The following PITPNM3 variants were observed in gnomAD, a reference collection of about 807,000 sequenced individuals.
PITPNM3 encodes PITPNM family member 3.
PITPNM3 carries 26 observed loss-of-function variants against 102.0 expected under a neutral mutation model. The ratio of observed to expected loss-of-function variants is 0.25; its 90% CI spans 0.19 to 0.35. The LOEUF (loss-of-function observed/expected upper bound fraction) is 0.35. PITPNM3 is among the 10% of genes least tolerant of loss of function. The probability of loss-of-function intolerance (pLI) is 1.00; values close to 1 mark genes in which losing one functional copy is unlikely to be tolerated. For synonymous variants in PITPNM3, 578 were observed against 558.6 expected, an observed-to-expected ratio of 1.03 and a Z score of -0.49; for missense variants, 1,083 against 1,346.1, an observed-to-expected ratio of 0.80 and a Z score of 3.06.
At chr17:6,528,022 G>T (rs147214671) in intron 2 of PITPNM3, among the ~76,000 whole-genome samples, 65 of 152,228 alleles carry the variant, frequency 4.3e-4, no homozygotes, top group African/African-American at 1.5e-3. Flanking sequence ...TTGGGCTTTT[G>T]TCTGTTTCCG....
rs1359115626 is a variant in PITPNM3, at chr17:6,474,502, G to A, written c.1188C>T (p.Asp396=). The A allele has an allele frequency of 6.2e-7, 1 of 1,613,528 alleles. No individual in the cohort carries two copies. Among genetic ancestry groups the A allele is most frequent in the Non-Finnish European group, 8.5e-7 (1 of 1,179,928 alleles). ...CCAGTGGCGAGCCGAAGAGGAAGAA[G>A]TCGGACACATCGAAGTCAAAGCGGC... ...SLGRFDFDVS[D]FFLFGSPLGL... is the part of the protein sequence containing the mutation. The change falls in exon 10 of 20, where the codon GAC becomes GAT. Residue 396 remains aspartate, a synonymous_variant. Coordinates refer to ENST00000262483, the MANE Select transcript of PITPNM3 (RefSeq NM_031220.4).
In PITPNM3 at chr17:6,452,881, C is replaced by T. The variant is rs903068328; in HGVS notation, c.*2457G>A. 1 of 152,134 alleles carries T rather than the reference C, an allele frequency of 6.6e-6. No individual in the cohort carries two copies. Among genetic ancestry groups the T allele is most frequent in the African/African-American group, 2.4e-5 (1 of 41,406 alleles). The allele number at this position is 152,134 out of a possible 1,614,324, so 9.4% of individuals were successfully genotyped here. A position where few individuals can be genotyped will look rare whatever the true frequency, so the allele number is the denominator to read the frequency against. ...GCTGGGTCCTGTGTCCCAGCTCTGA[C>T]CCCAGAGCCACAGAACCCTGGTCAC... is the stretch of plus-strand genomic sequence containing the variant. On this transcript the variant is annotated 3_prime_UTR_variant, in exon 20 of 20. Coordinates refer to ENST00000262483, the MANE Select transcript of PITPNM3 (RefSeq NM_031220.4).
In PITPNM3 at chr17:6,483,742, G is replaced by A. The variant is rs762515684; in HGVS notation, c.362C>T (p.Pro121Leu). 36 of 1,612,502 alleles carry A rather than the reference G, an allele frequency of 2.2e-5. No homozygotes were observed. Among genetic ancestry groups the A allele is most frequent in the Middle Eastern group, 1.6e-4 (1 of 6,084 alleles). The change falls in exon 6 of 20, where the codon CCG (proline) becomes CTG (leucine). Residue 121 changes from proline (P) to leucine (L), a missense_variant. This residue lies in a region of PITPNM3 where 290 missense variants were observed against 337.8 expected (regional missense o/e 0.86). Transcript: ENST00000262483. The stretch of plus-strand genomic sequence containing the variant: ...GACATGTGTCTTGCAGGAGCGCTGC[G>A]GGCAGCCTTCCTGAGAGCCAAGGCG... Reference protein sequence around the residue: ...EIHEDSEEGCPQRSCKTHVLL... With the variant: ...EIHEDSEEGCLQRSCKTHVLL...
chr17:6,549,838 C>G (rs1003865229), intron 1 of PITPNM3, among the ~76,000 whole-genome samples: 8 of 152,218 alleles, frequency 5.3e-5, no homozygotes, highest in Middle Eastern at 3.2e-3. Flanking sequence ...CTGGCCACCC[C>G]CTTCCGGGCT....
At chr17:6,532,133 A>C (rs111804442) in intron 2 of PITPNM3, among the ~76,000 whole-genome samples, 81 of 150,992 alleles carry the variant, frequency 5.4e-4, no homozygotes, top group African/African-American at 1.9e-3. Context: ...TGCCAAGCTC[A>C]TTCCACCAAT....
chr17:6,511,298 G>A (rs1224119664), intron 3 of PITPNM3, among the ~76,000 whole-genome samples: 1 of 152,180 alleles, frequency 6.6e-6, no homozygotes, highest in African/African-American at 2.4e-5. Flanking sequence ...TGTCGTGGTA[G>A]GATTGGATAA....
At chr17:6,503,103 G>A (rs929685127) in intron 4 of PITPNM3, among the ~76,000 whole-genome samples, 3 of 152,174 alleles carry the variant, frequency 2.0e-5, no homozygotes, top group African/African-American at 4.8e-5. Context: ...CCATGGCACC[G>A]TCAGTGGTTC....
rs781006872 is a variant in PITPNM3, at chr17:6,468,266, G to A, written c.1849C>T (p.Arg617Trp). The A allele has an allele frequency of 9.3e-6, 15 of 1,613,712 alleles. No homozygotes were observed. The highest frequency in any genetic ancestry group is 1.2e-5 in the Non-Finnish European group (14 of 1,180,014). Residue 617 changes from arginine to tryptophan, a missense_variant, in exon 14 of 20, where the codon CGG becomes TGG. By Grantham distance (101) the Arg-to-Trp change is moderately radical. Transcript: ENST00000262483. This position sits in a 1 kb window ranked among gnomAD's most constrained non-coding sequence, Gnocchi z 5.2. ...DPAALSPANP[R>W]EKWLRKRTQV... ...GTCCGCTTACGAAGCCACTTCTCCC[G>A]GGGGTTGGCAGGACTCAGTGCTGCA...
intron 1 of PITPNM3, among the ~76,000 whole-genome samples, chr17:6,546,303 C>T (rs1293224937): frequency 6.6e-6 from 1 of 152,242 alleles, no homozygotes; most frequent in Admixed American, 6.5e-5. Context: ...CCCGAGTACG[C>T]TGCATCTGAA....
At chr17:6,481,985 C>CCTCTCTCTCTCTCTCTCT (rs773528111) in intron 6 of PITPNM3, among the ~76,000 whole-genome samples, 2 of 56,098 alleles carry the variant, frequency 3.6e-5, no homozygotes, top group Non-Finnish European at 6.8e-5. Context: ...GAAAACAGAA[C>CCTCTCTCTCTCTCTCTCT]CTCTCTCTCT....
intron 3 of PITPNM3, among the ~76,000 whole-genome samples, chr17:6,506,726 T>G (rs1907534074): frequency 6.6e-6 from 1 of 152,088 alleles, no homozygotes. Context: ...GAGGGATGAG[T>G]GCAGGCCCTC....
At chr17:6,533,908 C>T (rs1444186585) in intron 2 of PITPNM3, among the ~76,000 whole-genome samples, 1 of 152,200 alleles carries the variant, frequency 6.6e-6, no homozygotes, top group Non-Finnish European at 1.5e-5. Flanking sequence ...GACGGACGCA[C>T]CATTAATACT....
At chr17:6,463,680 G>C in intron 17 of PITPNM3, 52 bp downstream of exon 17, 1 of 1,594,072 alleles carries the variant, frequency 6.3e-7, no homozygotes, top group Non-Finnish European at 8.5e-7. Flanking sequence ...CCCCAGGGCT[G>C]CTGGCTCCTG....
At chr17:6,534,456 C>T (rs962264714) in intron 2 of PITPNM3, among the ~76,000 whole-genome samples, 18 of 152,222 alleles carry the variant, frequency 1.2e-4, no homozygotes, top group African/African-American at 4.3e-4. Flanking sequence ...CCAGGTGAAC[C>T]CCATTGCCAG....
At position 6,472,854 on chromosome 17, in the gene PITPNM3, A is replaced by T; in HGVS notation, c.1259-27T>A. On this transcript the variant is annotated intron_variant, in intron 10 of 19. Coordinates refer to ENST00000262483, the MANE Select transcript of PITPNM3 (RefSeq NM_031220.4). This position sits in a 1 kb window ranked among gnomAD's most constrained non-coding sequence, Gnocchi z 4.1. ...TGGGGTGAGTGGGAAGACAGAGGGA[A>T]GCCACTTTCTAGTACCTGCTCCCTG... 6.2e-7 allele frequency: 1 copy of T among 1,613,048 alleles called. No individual in the cohort carries two copies. Among genetic ancestry groups the T allele is most frequent in the Non-Finnish European group, 8.5e-7 (1 of 1,179,530 alleles).
chr17:6,487,087 G>T (rs1319089737), intron 4 of PITPNM3, among the ~76,000 whole-genome samples: 1 of 152,182 alleles, frequency 6.6e-6, no homozygotes, highest in East Asian at 1.9e-4. Context: ...GCGGCTGTGT[G>T]TGCGGCTCTG....
intron 2 of PITPNM3, among the ~76,000 whole-genome samples, chr17:6,530,176 T>C (rs923277286): frequency 2.0e-5 from 3 of 152,216 alleles, no homozygotes; most frequent in African/African-American, 7.2e-5. Context: ...AACCTGGTCC[T>C]CTATGCCCAG....
At chr17:6,546,383 G>A (rs989582011) in intron 1 of PITPNM3, among the ~76,000 whole-genome samples, 4 of 152,198 alleles carry the variant, frequency 2.6e-5, no homozygotes, top group Non-Finnish European at 4.4e-5. Flanking sequence ...TCCATCCATC[G>A]GTAATGCACT....
In PITPNM3 at chr17:6,468,335, G is replaced by A. The variant is rs150769456; in HGVS notation, c.1780C>T (p.Arg594Cys). The change falls in exon 14 of 20, where the codon CGC becomes TGC. Residue 594 changes from arginine to cysteine, a missense_variant. Transcript: ENST00000262483. The surrounding 1 kb of genome is among the most constrained non-coding windows in gnomAD (Gnocchi z 5.2). ...VVAFILRQVM[R>C]YESVNIKESA... The stretch of plus-strand genomic sequence containing the variant: ...TCCTTGATGTTCACGCTCTCATAGC[G>A]CATTACCTAGCCAAGAGCCGAGCAG... 209 of 1,613,926 alleles carry A rather than the reference G, an allele frequency of 1.3e-4. No homozygotes were observed. The highest frequency in any genetic ancestry group is 1.3e-4 in the Non-Finnish European group (152 of 1,179,986).
Sources: allele counts gnomAD v4.1 joint callset (sites outside exome capture counted in the v4.1 genomes callset), GRCh38; gene constraint gnomAD v4.1.1; regional missense constraint gnomAD v4.1.1; non-coding constraint Gnocchi (gnomAD v3.1); transcripts MANE v1.5; gene names NCBI Gene and HGNC (gene_info 2026-07-23, HGNC 2026-07-21).